The following ADGRL2 variants were observed in gnomAD, a reference collection of about 807,000 sequenced individuals.
The protein encoded by ADGRL2 is calcium-independent alpha-latrotoxin receptor 2.
In ADGRL2, 44 loss-of-function variants were observed where a neutral mutation model predicts 157.4. That is an observed-to-expected ratio of 0.28 (90% CI 0.22 to 0.36). The LOEUF (loss-of-function observed/expected upper bound fraction) is 0.36. Ranked by LOEUF, ADGRL2 falls within the 10% of genes least tolerant of loss-of-function variation. The probability of loss-of-function intolerance (pLI) is 1.00; values close to 1 mark genes in which losing one functional copy is unlikely to be tolerated. For missense variants in ADGRL2, 1,510 were observed against 1,768.9 expected (o/e 0.85, Z 2.63); for synonymous variants, 585 against 624.7 (o/e 0.94, Z 0.95).
At chr1:81,326,059 T>A (rs1660876501) in intron 1 of ADGRL2, among the ~76,000 whole-genome samples, 2 of 152,276 alleles carry the variant, frequency 1.3e-5, no homozygotes, top group South Asian at 4.1e-4. Flanking sequence ...ACTATATAAA[T>A]ATATACAGGT....
intron 3 of ADGRL2, among the ~76,000 whole-genome samples, chr1:81,611,213 C>T (rs920215043): frequency 6.6e-6 from 1 of 152,148 alleles, no homozygotes; most frequent in African/African-American, 2.4e-5. Flanking sequence ...CCTACTAGAA[C>T]AGTCACAGGC....
intron 3 of ADGRL2, among the ~76,000 whole-genome samples, chr1:81,629,796 G>T (rs1346948496): frequency 6.6e-6 from 1 of 151,504 alleles, no homozygotes; most frequent in African/African-American, 2.4e-5. Flanking sequence ...TTGCTATGTT[G>T]CTCAGGCTGG....
chr1:81,402,736 G>C (rs1231649161), intron 1 of ADGRL2, among the ~76,000 whole-genome samples: 2 of 152,124 alleles, frequency 1.3e-5, no homozygotes, highest in African/African-American at 4.8e-5. Context: ...AAAAGACCTT[G>C]AAACTGCACT....
chr1:81,693,991 T>C (rs1219696394), intron 3 of ADGRL2, among the ~76,000 whole-genome samples: 1 of 152,134 alleles, frequency 6.6e-6, no homozygotes, highest in African/African-American at 2.4e-5. Flanking sequence ...ATATGAGGGA[T>C]ACAGAGGAGA....
chr1:81,975,867 A>G (rs939075744), intron 17 of ADGRL2, among the ~76,000 whole-genome samples: 46 of 152,172 alleles, frequency 3.0e-4, no homozygotes, highest in African/African-American at 1.1e-3. Flanking sequence ...AGAAAACAAG[A>G]AAGAAGTAAG....
At chr1:81,626,390 C>A (rs929242623) in intron 3 of ADGRL2, among the ~76,000 whole-genome samples, 2 of 152,218 alleles carry the variant, frequency 1.3e-5, no homozygotes, top group African/African-American at 4.8e-5. Context: ...ACTGCAGCCT[C>A]AACCTCCCGG....
chr1:81,522,749 A>AT (rs1387400112), intron 2 of ADGRL2, among the ~76,000 whole-genome samples: 1 of 152,138 alleles, frequency 6.6e-6, no homozygotes, highest in East Asian at 1.9e-4. Context: ...AAAAATCCGT[A>AT]TTTTATCTCT....
At chr1:81,980,295 T>G (rs962397674) in intron 18 of ADGRL2, among the ~76,000 whole-genome samples, 9 of 151,932 alleles carry the variant, frequency 5.9e-5, no homozygotes, top group African/African-American at 2.2e-4. Flanking sequence ...TTTTGTTAAA[T>G]GACTTTTTGC....
At chr1:81,355,177 C>G (rs1346080605) in intron 1 of ADGRL2, among the ~76,000 whole-genome samples, 2 of 151,572 alleles carry the variant, frequency 1.3e-5, no homozygotes, top group African/African-American at 2.4e-5. Context: ...ATGGTGAAAC[C>G]CCAACTCTAC....
Position 81,885,129 on chromosome 1 carries a change from G to A in ADGRL2, c.74-21888G>A, listed in dbSNP as rs537361606. Among the ~76,000 whole-genome samples, 8 of 152,162 alleles carry A rather than the reference G, an allele frequency of 5.3e-5. No individual in the cohort carries two copies. In the South Asian group the frequency reaches 1.5e-3, roughly 28 times the overall value. On this transcript the variant is annotated intron_variant, in intron 2 of 23. Coordinates refer to ENST00000686636, the MANE Select transcript of ADGRL2 (RefSeq NM_001366006.2). ...TTATTATTTGAAAAACGACCAATAC[G>A]AATAAATAGAAGTAAGGAGGGGAAA...
intron 2 of ADGRL2, among the ~76,000 whole-genome samples, chr1:81,855,454 A>T (rs1384569400): frequency 6.6e-6 from 1 of 152,110 alleles, no homozygotes; most frequent in Non-Finnish European, 1.5e-5. Flanking sequence ...AAAACCAAAA[A>T]AACAAAACTA....
At chr1:81,852,183 G>A (rs560986519) in intron 2 of ADGRL2, among the ~76,000 whole-genome samples, 1 of 152,134 alleles carries the variant, frequency 6.6e-6, no homozygotes, top group African/African-American at 2.4e-5. Flanking sequence ...TCAAATGAAA[G>A]CATTATTTTG....
rs75492739 is a variant in ADGRL2 at position 81,388,123 on chromosome 1, T to C, written c.-301-56913T>C. ...TATTTTCAAACTTGTCTTTTAATTC[T>C]TTAATTATAGCAATAATAGTTTCAG... On this transcript the variant is annotated intron_variant, in intron 1 of 24. Transcript: ENST00000370721. 2.2e-3 allele frequency among the ~76,000 whole-genome samples: 339 copies of C among 152,308 alleles called. 6 individuals carry two copies. The East Asian group carries it at 0.025, about 11-fold the overall frequency.
intron 2 of ADGRL2, among the ~76,000 whole-genome samples, chr1:81,517,786 T>A (rs1206056258): frequency 1.3e-5 from 2 of 152,330 alleles, no homozygotes; most frequent in South Asian, 4.1e-4. Flanking sequence ...CTTTTTCCTT[T>A]CTCTGACCAT....
chr1:81,367,833 T>C (rs1049331663), intron 1 of ADGRL2, among the ~76,000 whole-genome samples: 4 of 152,184 alleles, frequency 2.6e-5, no homozygotes, highest in African/African-American at 9.6e-5. Flanking sequence ...ATTACAGATG[T>C]GAGCCACCAA....
At chr1:81,688,065 T>C (rs977056694) in intron 3 of ADGRL2, among the ~76,000 whole-genome samples, 3 of 152,214 alleles carry the variant, frequency 2.0e-5, no homozygotes, top group Non-Finnish European at 4.4e-5. Context: ...TTTTCCTTTA[T>C]AGGTTACCTG....
intron 2 of ADGRL2, among the ~76,000 whole-genome samples, chr1:81,538,198 T>G (rs904494404): frequency 2.6e-5 from 4 of 152,234 alleles, no homozygotes; most frequent in Non-Finnish European, 5.9e-5. Flanking sequence ...GGAATTTTGT[T>G]GGGTTATCAT....
chr1:81,975,206 C>T (rs1456222609), intron 17 of ADGRL2, among the ~76,000 whole-genome samples: 1 of 151,940 alleles, frequency 6.6e-6, no homozygotes, highest in African/African-American at 2.4e-5. Context: ...ATGTATGTAC[C>T]ACAATCCTAA....
chr1:81,806,476 G>A (rs1426092797), intron 1 of ADGRL2, among the ~76,000 whole-genome samples: 1 of 151,904 alleles, frequency 6.6e-6, no homozygotes, highest in Non-Finnish European at 1.5e-5. Flanking sequence ...CATTATTGAA[G>A]CTTTCTGTGT....
Sources: allele counts gnomAD v4.1 joint callset (sites outside exome capture counted in the v4.1 genomes callset), GRCh38; gene constraint gnomAD v4.1.1; transcripts MANE v1.5; gene names NCBI Gene and HGNC (gene_info 2026-07-23, HGNC 2026-07-21).